GLIS3: variants seen among roughly 807,000 people sequenced by gnomAD.
GLIS3 encodes the protein GLIS family zinc finger 3, also known as zinc finger protein GLIS3.
Under a neutral mutation model 78.6 loss-of-function variants are expected in GLIS3, and 53 were observed. That is an observed-to-expected ratio of 0.67 (90% CI 0.54 to 0.85). GLIS3 has a LOEUF of 0.85. Ranked by LOEUF, GLIS3 falls within the 40% of genes least tolerant of loss-of-function variation. The pLI, the probability that GLIS3 is intolerant of heterozygous loss-of-function variation, is 0.00. For synonymous variants in GLIS3, 684 were observed against 509.9 expected (o/e 1.34, Z -4.60); for missense variants, 1,703 against 1,231.1 (o/e 1.38, Z -5.74).
chr9:3,856,326 A>T, intron 8 of GLIS3, 142 bp from the exon 9 acceptor site: 1 of 745,306 alleles, frequency 1.3e-6, no homozygotes, highest in Non-Finnish European at 2.3e-6. Flanking sequence ...ATCTTTCAGG[A>T]TTTTTCTCTA....
At chr9:4,355,746 C>T in the GLIS3 span, among the ~76,000 whole-genome samples, 1 of 152,188 alleles carries the variant, frequency 6.6e-6, no homozygotes, top group African/African-American at 2.4e-5. Flanking sequence ...AGCCTATACA[C>T]CCTGTTTCCA....
the GLIS3 span, among the ~76,000 whole-genome samples, chr9:4,357,259 C>A: frequency 6.6e-6 from 1 of 152,136 alleles, no homozygotes; most frequent in African/African-American, 2.4e-5. Context: ...ATGAAATTAA[C>A]ATTTGAATCA....
intron 4 of GLIS3, among the ~76,000 whole-genome samples, chr9:4,114,675 T>C (rs1831494107): frequency 6.6e-6 from 1 of 152,172 alleles, no homozygotes. Flanking sequence ...TCCCGGTTTC[T>C]GACTAGCTGA....
At chr9:4,400,019 AC>A in the GLIS3 span, among the ~76,000 whole-genome samples, 4 of 152,180 alleles carry the variant, frequency 2.6e-5, no homozygotes, top group Non-Finnish European at 5.9e-5. Flanking sequence ...ATGGGATGAG[AC>A]AAGGCCACAG....
chr9:4,201,379 G>C (rs965677249), intron 2 of GLIS3, among the ~76,000 whole-genome samples: 1 of 152,090 alleles, frequency 6.6e-6, no homozygotes, highest in Admixed American at 6.5e-5. Flanking sequence ...AATAGAAAAA[G>C]AAGAAGTCAA....
the GLIS3 span, among the ~76,000 whole-genome samples, chr9:4,434,537 G>C: frequency 1.3e-5 from 2 of 152,178 alleles, no homozygotes; most frequent in Non-Finnish European, 2.9e-5. Flanking sequence ...CAAAGCACGT[G>C]ATTATGGAGT....
At chr9:3,867,970 G>T (rs1330392828) in intron 8 of GLIS3, among the ~76,000 whole-genome samples, 1 of 152,180 alleles carries the variant, frequency 6.6e-6, no homozygotes, top group African/African-American at 2.4e-5. Flanking sequence ...CATGGCACAA[G>T]GTGAGCCCCC....
chr9:4,360,466 A>G, the GLIS3 span, among the ~76,000 whole-genome samples: 1 of 152,176 alleles, frequency 6.6e-6, no homozygotes, highest in African/African-American at 2.4e-5. Context: ...AGTAATATTA[A>G]TTTGCTGTCG....
intron 2 of GLIS3, among the ~76,000 whole-genome samples, chr9:4,214,600 C>A (rs1256482827): frequency 6.6e-6 from 1 of 152,198 alleles, no homozygotes; most frequent in East Asian, 1.9e-4. Context: ...AATGTGGGCG[C>A]AGTTTAGTGT....
Position 4,230,771 on chromosome 9 carries a change from C to G in GLIS3, c.388+55267G>C, listed in dbSNP as rs550938766. Reference sequence around the variant, plus strand: ...AATAGCATAAAAAGCAAATATCTCTCAAGTTCAAAATGAACCTGCAAACTA... The same window carrying G: ...AATAGCATAAAAAGCAAATATCTCTGAAGTTCAAAATGAACCTGCAAACTA... On this transcript the variant is annotated intron_variant, in intron 2 of 10. Coordinates refer to ENST00000381971, the MANE Select transcript of GLIS3 (RefSeq NM_001042413.2). Among the ~76,000 whole-genome samples the G allele has an allele frequency of 2.0e-5, 3 of 152,320 alleles. No homozygotes were observed. The East Asian group carries it at 5.8e-4, about 29-fold the overall frequency.
At chr9:4,154,079 C>G (rs1015487089) in intron 2 of GLIS3, among the ~76,000 whole-genome samples, 1 of 152,216 alleles carries the variant, frequency 6.6e-6, no homozygotes, top group African/African-American at 2.4e-5. Flanking sequence ...ATGGCCTCTG[C>G]ACATGACTTG....
chr9:4,439,327 T>G, the GLIS3 span, among the ~76,000 whole-genome samples: 49 of 152,354 alleles, frequency 3.2e-4, no homozygotes, highest in African/African-American at 1.1e-3. Flanking sequence ...TTCACAGAGT[T>G]GTGCAGCCAT....
the GLIS3 span, among the ~76,000 whole-genome samples, chr9:4,373,758 C>A: frequency 6.6e-6 from 1 of 151,498 alleles, no homozygotes; most frequent in Non-Finnish European, 1.5e-5. Flanking sequence ...ACCTCCACCT[C>A]CTGGGTTCAA....
At chr9:4,256,375 A>G (rs1824940190) in intron 2 of GLIS3, among the ~76,000 whole-genome samples, 1 of 152,244 alleles carries the variant, frequency 6.6e-6, no homozygotes. Flanking sequence ...ATAAGCTAAG[A>G]AAATACCTGG....
chr9:4,186,652 C>T (rs1481863109), intron 2 of GLIS3, among the ~76,000 whole-genome samples: 3 of 151,264 alleles, frequency 2.0e-5, no homozygotes, highest in Non-Finnish European at 4.4e-5. Flanking sequence ...ACATCCTCTC[C>T]AGCACCTGTT....
intron 2 of GLIS3, among the ~76,000 whole-genome samples, chr9:4,194,591 T>C (rs1818632000): frequency 1.3e-5 from 2 of 152,160 alleles, no homozygotes; most frequent in Admixed American, 6.5e-5. Context: ...TGAGCTTTAA[T>C]TCAAGAAAGC....
intron 8 of GLIS3, among the ~76,000 whole-genome samples, chr9:3,860,438 T>G (rs910015377): frequency 1.3e-5 from 2 of 152,112 alleles, no homozygotes; most frequent in Non-Finnish European, 1.5e-5. Flanking sequence ...CATTGCTTGC[T>G]CAGCCCCAAC....
At chr9:4,438,495 G>A in the GLIS3 span, among the ~76,000 whole-genome samples, 2 of 152,164 alleles carry the variant, frequency 1.3e-5, no homozygotes, top group Admixed American at 6.5e-5. Context: ...GTGGCAGTGT[G>A]AAGATTTTCT....
chr9:3,916,602 C>T (rs529847907), intron 6 of GLIS3, among the ~76,000 whole-genome samples: 39 of 152,304 alleles, frequency 2.6e-4, no homozygotes, highest in African/African-American at 8.4e-4. Context: ...AATTGCAGCG[C>T]TGCATGGTGC....
Sources: allele counts gnomAD v4.1 joint callset (sites outside exome capture counted in the v4.1 genomes callset), GRCh38; gene constraint gnomAD v4.1.1; transcripts MANE v1.5; gene names NCBI Gene and HGNC (gene_info 2026-07-23, HGNC 2026-07-21).